The following PCDHA4 variants were observed in gnomAD, a reference collection of about 807,000 sequenced individuals.
PCDHA4 encodes protocadherin alpha 4.
PCDHA4 carries 49 observed loss-of-function variants against 61.4 expected under a neutral mutation model. The observed-to-expected ratio is 0.80, with a 90% confidence interval of 0.63 to 1.01. The LOEUF (loss-of-function observed/expected upper bound fraction) is 1.01. PCDHA4 is among the 50% of genes least tolerant of loss of function. PCDHA4 has a pLI of 0.00. For missense variants in PCDHA4, 1,254 were observed against 1,235.8 expected, an observed-to-expected ratio of 1.01 and a Z score of -0.22; for synonymous variants, 590 against 550.3, an observed-to-expected ratio of 1.07 and a Z score of -1.01.
intron 1 of PCDHA4, chr5:140,968,722 T>A (rs1379540261): frequency 6.2e-7 from 1 of 1,613,728 alleles, no homozygotes; most frequent in Non-Finnish European, 8.5e-7. Context: ...GAGATGAGAG[T>A]GGTAGCACTT....
intron 1 of PCDHA4, among the ~76,000 whole-genome samples, chr5:140,886,521 C>A (rs1056353739): frequency 5.9e-5 from 9 of 152,038 alleles, no homozygotes; most frequent in African/African-American, 1.9e-4. Flanking sequence ...TTAAGGTCTG[C>A]ATATTCAGTT....
At chr5:140,912,908 A>T (rs986770915) in intron 1 of PCDHA4, among the ~76,000 whole-genome samples, 8 of 152,188 alleles carry the variant, frequency 5.3e-5, no homozygotes, top group African/African-American at 1.9e-4. Flanking sequence ...TATCATATTG[A>T]TTGATTTGTG....
intron 1 of PCDHA4, among the ~76,000 whole-genome samples, chr5:140,892,669 C>T (rs1361630982): frequency 2.6e-5 from 4 of 152,134 alleles, no homozygotes; most frequent in African/African-American, 9.7e-5. Context: ...CATTTTGATA[C>T]ATATATACAA....
intron 1 of PCDHA4, chr5:140,849,420 G>A: frequency 6.4e-7 from 1 of 1,572,968 alleles, no homozygotes; most frequent in Non-Finnish European, 8.7e-7. Context: ...AGGACATATG[G>A]ATTTTGAAGA....
intron 1 of PCDHA4, chr5:140,857,275 C>T: frequency 6.3e-7 from 1 of 1,598,374 alleles, no homozygotes; most frequent in Non-Finnish European, 8.6e-7. Context: ...TGGTGCTGGA[C>T]AGCGCTCTGG....
intron 1 of PCDHA4, among the ~76,000 whole-genome samples, chr5:140,962,168 C>A (rs1207333516): frequency 1.3e-5 from 2 of 152,152 alleles, no homozygotes; most frequent in African/African-American, 4.8e-5. Flanking sequence ...AGCCACCACA[C>A]CCGGCCACTT....
At position 141,009,794 on chromosome 5, in the gene PCDHA4, A is replaced by G. The variant is rs1314860754; in HGVS notation, c.2701A>G (p.Thr901Ala). 1.2e-6 allele frequency: 2 copies of G among 1,614,042 alleles called. No homozygotes were observed. Among genetic ancestry groups the G allele is most frequent in the South Asian group, 1.1e-5 (1 of 91,076 alleles). Reference protein sequence around the residue: ...PAIISIRQEPTNSQIDKSDFI... With the variant: ...PAIISIRQEPANSQIDKSDFI... ...AATCATCTCCATCCGGCAGGAGCCTACTAACAGCCAAATTGACAAAAGTGA... is the reference window on the plus strand; with the variant it reads ...AATCATCTCCATCCGGCAGGAGCCTGCTAACAGCCAAATTGACAAAAGTGA... The change falls in exon 4 of 4, where the codon ACT (threonine) becomes GCT (alanine). Residue 901 changes from threonine (T) to alanine (A), a missense_variant. Physicochemically the swap from Thr to Ala is moderately conservative, Grantham distance 58. Coordinates refer to ENST00000530339, the MANE Select transcript of PCDHA4 (RefSeq NM_018907.4).
intron 1 of PCDHA4, chr5:140,929,118 A>G: frequency 2.5e-6 from 4 of 1,614,150 alleles, no homozygotes; most frequent in Non-Finnish European, 3.4e-6. Flanking sequence ...CAGCCACCAT[A>G]GATGTCACTA....
intron 1 of PCDHA4, among the ~76,000 whole-genome samples, chr5:140,838,070 T>C (rs1392729176): frequency 1.6e-5 from 2 of 127,666 alleles, no homozygotes; most frequent in Admixed American, 1.8e-4. Flanking sequence ...TTAAGTTATA[T>C]ATATATAGTG....
intron 1 of PCDHA4, chr5:140,927,862 G>A (rs1397918624): frequency 2.5e-6 from 4 of 1,614,082 alleles, no homozygotes; most frequent in African/African-American, 2.7e-5. Context: ...AGCTAGCACC[G>A]CTAAACTGCT....
chr5:140,822,588 C>T (rs2150117602), intron 1 of PCDHA4: 1 of 1,609,664 alleles, frequency 6.2e-7, no homozygotes, highest in South Asian at 1.1e-5. Flanking sequence ...CAGATGAGGG[C>T]ATCAATAAGG....
At chr5:140,872,181 G>T (rs2053527538) in intron 1 of PCDHA4, among the ~76,000 whole-genome samples, 1 of 151,138 alleles carries the variant, frequency 6.6e-6, no homozygotes, top group Admixed American at 6.6e-5. Flanking sequence ...TTTTTTTACA[G>T]TGTTAAACGT....
In PCDHA4 at chr5:141,010,121, T is replaced by C; in HGVS notation, c.*184T>C. The C allele has an allele frequency of 1.2e-6, 2 of 1,606,996 alleles. No homozygotes were observed. The highest frequency in any genetic ancestry group is 1.7e-6 in the Non-Finnish European group (2 of 1,176,140). On this transcript the variant is annotated 3_prime_UTR_variant, in exon 4 of 4. Transcript: ENST00000530339. ...ACAGGTTTTGTCGTAAAAGCTTTAC[T>C]AAGTCTGGTGTTAACTCTTTCTCTC... is the stretch of plus-strand genomic sequence containing the variant.
intron 1 of PCDHA4, among the ~76,000 whole-genome samples, chr5:140,949,115 T>G (rs2094346093): frequency 6.6e-6 from 1 of 151,756 alleles, no homozygotes; most frequent in African/African-American, 2.4e-5. Context: ...TACAAATATT[T>G]TTGGTTTTCC....
At chr5:140,884,075 T>C (rs2059980601) in intron 1 of PCDHA4, 1 of 1,613,342 alleles carries the variant, frequency 6.2e-7, no homozygotes, top group South Asian at 1.1e-5. Context: ...CGATTCGGGC[T>C]ACAATGCGTG....
rs371795952 is a variant in PCDHA4 at position 140,857,797 on chromosome 5, G to T, written c.2385+48225G>T. ...CAGTCAGTGAGCTGGTGCTGCGGTC[G>T]GTGGTTGCGGGTCACGTGGTGGCTA... On this transcript the variant is annotated intron_variant, in intron 1 of 3. Transcript: ENST00000530339. 12 of 1,597,706 alleles carry T rather than the reference G, an allele frequency of 7.5e-6. 1 individual carries two copies. In the East Asian group the frequency reaches 1.6e-4, roughly 21 times the overall value.
At chr5:140,809,660 C>A in intron 1 of PCDHA4, 88 bp downstream of exon 1, 1 of 1,483,764 alleles carries the variant, frequency 6.7e-7, no homozygotes, top group South Asian at 1.4e-5. Context: ...GTCAAATTTC[C>A]CTGGGTTAAA....
chr5:140,838,904 T>C (rs1357906412), intron 1 of PCDHA4, among the ~76,000 whole-genome samples: 2 of 151,878 alleles, frequency 1.3e-5, no homozygotes, highest in Non-Finnish European at 2.9e-5. Flanking sequence ...GACAGAGCAA[T>C]ACCTTGCCTC....
chr5:140,914,801 A>G (rs976508278), intron 1 of PCDHA4, among the ~76,000 whole-genome samples: 2 of 152,164 alleles, frequency 1.3e-5, no homozygotes, highest in African/African-American at 4.8e-5. Context: ...TTTTAAACTG[A>G]TGGCAACTTA....
Sources: gnomAD v4.1 joint callset for allele counts (sites outside exome capture counted in the v4.1 genomes callset) on GRCh38, gnomAD v4.1.1 for gene constraint, MANE v1.5 for transcripts, NCBI Gene and HGNC (gene_info 2026-07-23, HGNC 2026-07-21) for gene names.